Variants in NSMF observed in about 807,000 individuals in gnomAD.
The protein encoded by NSMF is nasal embryonic LHRH factor.
Under a neutral mutation model 71.0 loss-of-function variants are expected in NSMF, and 31 were observed. That is an observed-to-expected ratio of 0.44 (90% CI 0.33 to 0.59). NSMF has a LOEUF of 0.59. NSMF is among the 20% of genes least tolerant of loss of function. The pLI, the probability that NSMF is intolerant of heterozygous loss-of-function variation, is 0.04. For missense variants in NSMF, 673 were observed against 740.5 expected (o/e 0.91, Z 1.06); for synonymous variants, 345 against 287.1 (o/e 1.20, Z -2.04).
rs755177760 is a variant in NSMF at position 137,449,612 on chromosome 9, C to T, written c.1482G>A (p.Glu494=). Residue 494 remains glutamate (E), a synonymous_variant, in exon 15 of 16, where the codon GAG becomes GAA. Coordinates refer to ENST00000371475, the MANE Select transcript of NSMF (RefSeq NM_001130969.3). The stretch of plus-strand genomic sequence containing the variant: ...TGGGTAACTCACCTTGGGCTGAGAG[C>T]TCCAGGGGTGACTCGAAGGTGACCC... ...PYRVTFESPL[E]LSAQGKQMIE... 45 of 1,612,430 alleles carry T rather than the reference C, an allele frequency of 2.8e-5. No homozygotes were observed. Among genetic ancestry groups the T allele is most frequent in the Non-Finnish European group, 3.6e-5 (42 of 1,179,774 alleles).
chr9:137,453,682 T>G lies in NSMF; in HGVS notation c.922+49A>C, dbSNP rs773846791. ...GGGGACCCCCAGCAGGGGTCTGGGG[T>G]CTAGGGGAGGCTCTGGGGAAGGTGG... On this transcript the variant is annotated intron_variant, in intron 8 of 15. Coordinates refer to ENST00000371475, the MANE Select transcript of NSMF (RefSeq NM_001130969.3). The surrounding 1 kb of genome is among the most constrained non-coding windows in gnomAD (Gnocchi z 4.5). 6 of 1,468,066 alleles carry G rather than the reference T, an allele frequency of 4.1e-6. No homozygotes were observed. Among genetic ancestry groups the G allele is most frequent in the Admixed American group, 1.9e-5 (1 of 52,042 alleles). 90.9% of individuals were successfully genotyped at this position (1,468,066 alleles called of 1,614,324 possible).
chr9:137,458,370 C>T (rs1588512440), intron 2 of NSMF, 118 bp downstream of exon 2: 1 of 923,176 alleles, frequency 1.1e-6, no homozygotes. Flanking sequence ...GCCAGGCCGG[C>T]AGGGCGCCGG....
At chr9:137,451,876 A>G (rs1371024918) in intron 12 of NSMF, among the ~76,000 whole-genome samples, 2 of 32,534 alleles carry the variant, frequency 6.1e-5, no homozygotes, top group Non-Finnish European at 1.1e-4. Context: ...CAATGTCTAC[A>G]CCTCTTCTCC....
At chr9:137,454,980 T>TGGAGTG in intron 6 of NSMF, 1 of 716,860 alleles carries the variant, frequency 1.4e-6, no homozygotes, top group Middle Eastern at 2.3e-4. Flanking sequence ...TCTGTGTGAT[T>TGGAGTG]GGAGTGGGGG....
chr9:137,455,411 A>C (rs535700958), intron 5 of NSMF, 104 bp from the exon 6 acceptor site: 251 of 1,353,426 alleles, frequency 1.9e-4, no homozygotes, highest in East Asian at 5.0e-4. Context: ...CGTCTGGGGC[A>C]CGGGGCCCGG....
chr9:137,452,966 C>CT, intron 9 of NSMF, 90 bp downstream of exon 9: 1 of 1,595,918 alleles, frequency 6.3e-7, no homozygotes, highest in Non-Finnish European at 8.5e-7. Flanking sequence ...CTGGAGAAGG[C>CT]TGCGTGGTCC....
Position 137,455,323 on chromosome 9 carries a change from G to C in NSMF, c.711-16C>G, listed in dbSNP as rs746064159. On this transcript the variant is annotated splice_polypyrimidine_tract_variant and intron_variant, in intron 5 of 15. Transcript: ENST00000371475. ...CCTGAACACCCTGGGAAACCACCGC[G>C]AGTCAGCACTGCCCTTGGCCGGAGG... 26 of 1,612,234 alleles carry C rather than the reference G, an allele frequency of 1.6e-5. No homozygotes were observed. Among genetic ancestry groups the C allele is most frequent in the Non-Finnish European group, 2.1e-5 (25 of 1,179,618 alleles).
Position 137,452,998 on chromosome 9 carries a change from G to A in NSMF, c.1047+58C>T, listed in dbSNP as rs114999343. ...GTCCCAGGCAGAGCTGGCTGGACTC[G>A]GGTTGGGGCGGAGTCCTGCTCGGGG... On this transcript the variant is annotated intron_variant, in intron 9 of 15. Transcript: ENST00000371475. The A allele has an allele frequency of 9.4e-4, 1,506 of 1,607,712 alleles. 24 individuals carry two copies. The African/African-American group carries it at 0.018, about 19-fold the overall frequency.
In NSMF at chr9:137,458,547, G is replaced by A. The variant is rs533363402; in HGVS notation, c.74C>T (p.Ala25Val). Residue 25 changes from alanine to valine, a missense_variant and splice_region_variant, in exon 2 of 16, where the codon GCA becomes GTA. By Grantham distance (64) the Ala-to-Val change is moderately conservative (BLOSUM62 0). This residue lies in a region of NSMF where 471 missense variants were observed against 459.6 expected (regional missense o/e 1.02). Transcript: ENST00000371475. ...AMSSVAAKVR[A>V]ARAFGEYLSQ... Reference sequence around the variant, plus strand: ...CAGGTACTCTCCAAACGCTCGGGCTGCTCTGAGGGTGGACAGAGGGCACGG... The same window carrying A: ...CAGGTACTCTCCAAACGCTCGGGCTACTCTGAGGGTGGACAGAGGGCACGG... 9 of 1,595,180 alleles carry A rather than the reference G, an allele frequency of 5.6e-6. 1 individual carries two copies. In the South Asian group the frequency reaches 1.0e-4, roughly 18 times the overall value.
chr9:137,450,059 G>A lies in NSMF; in HGVS notation c.1317-34C>T, dbSNP rs770896807. 3.1e-6 allele frequency: 5 copies of A among 1,600,090 alleles called. No individual in the cohort carries two copies. In the Admixed American group the frequency reaches 5.0e-5, roughly 16 times the overall value. ...GAGGGGTGGGTCACCCAGTGGCAGG[G>A]GACAGGCACCCCACTCCACAGAGCG... On this transcript the variant is annotated intron_variant, in intron 13 of 15. Coordinates refer to ENST00000371475, the MANE Select transcript of NSMF (RefSeq NM_001130969.3).
In NSMF at chr9:137,448,685, C is replaced by T. The variant is rs746329930; in HGVS notation, c.*709G>A. 20 of 153,710 alleles carry T rather than the reference C, an allele frequency of 1.3e-4. No individual in the cohort carries two copies. The highest frequency in any genetic ancestry group is 1.9e-4 in the Non-Finnish European group (13 of 69,086). 9.5% of individuals were successfully genotyped at this position (153,710 alleles called of 1,614,324 possible). A position where few individuals can be genotyped will look rare whatever the true frequency, so the allele number is the denominator to read the frequency against. On this transcript the variant is annotated 3_prime_UTR_variant, in exon 16 of 16. Transcript: ENST00000371475. The surrounding 1 kb of genome is among the most constrained non-coding windows in gnomAD (Gnocchi z 5.3). ...CCAGAGCCTCCTCTGAAGGAGGGGA[C>T]GCTGCGCCCTTCCTTCCTGCTGCCC...
At position 137,457,455 on chromosome 9, in the gene NSMF, C is replaced by T. The variant is rs751687962; in HGVS notation, c.580G>A (p.Gly194Ser). Residue 194 changes from glycine (G) to serine (S), a missense_variant, in exon 3 of 16, where the codon GGT (glycine) becomes AGT (serine). This residue lies in a region of NSMF where 471 missense variants were observed against 459.6 expected (regional missense o/e 1.02). Transcript: ENST00000371475. ...ATCCTCTCCAGCTTCTTGCGGCGAC[C>T]GGAGGTCTCAGGCAGAGGTGGCTGG... ...LDQPPLPETS[G>S]RRKKLERMYS... 2.0e-5 allele frequency: 33 copies of T among 1,612,740 alleles called. No individual in the cohort carries two copies. The highest frequency in any genetic ancestry group is 6.7e-5 in the East Asian group (3 of 44,890).
Position 137,457,662 on chromosome 9 carries a change from TCAC to T in NSMF, c.370_372del (p.Val124del). 3.2e-6 allele frequency: 5 copies of T among 1,550,090 alleles called. No homozygotes were observed. Among genetic ancestry groups the T allele is most frequent in the Non-Finnish European group, 4.4e-6 (5 of 1,146,752 alleles). On this transcript the variant is annotated inframe_deletion, in exon 3 of 16. Transcript: ENST00000371475. ...TGAGGGTGCCGCTGCCGCCGCCCCT[TCAC>T]CACCGCCAGCTCAATGGCCTCCGCC...
rs1273932007 is a variant in NSMF, at chr9:137,459,241, C to CTCGGGG, written c.-145_-140dup. ...GCTCGGGCTCCGGCTCGGGCTTGGG[C>CTCGGGG]TCGGGGTCGGGCTCGGGGTCGGGCC... is the stretch of plus-strand genomic sequence containing the variant. On this transcript the variant is annotated 5_prime_UTR_variant, in exon 1 of 16. Coordinates refer to ENST00000371475, the MANE Select transcript of NSMF (RefSeq NM_001130969.3). 1 of 546,928 alleles carries CTCGGGG rather than the reference C, an allele frequency of 1.8e-6. No individual in the cohort carries two copies. The highest frequency in any genetic ancestry group is 1.1e-4 in the East Asian group (1 of 8,792). The allele number at this position is 546,928 out of a possible 1,614,324, so 33.9% of individuals were successfully genotyped here. A position where few individuals can be genotyped will look rare whatever the true frequency, so the allele number is the denominator to read the frequency against.
intron 6 of NSMF, chr9:137,455,015 G>A: frequency 1.4e-6 from 1 of 727,704 alleles, no homozygotes; most frequent in South Asian, 1.5e-5. Context: ...GCTGGCCCCA[G>A]CCCAGACAGA....
In NSMF at chr9:137,449,635, C is replaced by A; in HGVS notation, c.1459G>T (p.Val487Phe). ...AGCTCCAGGGGTGACTCGAAGGTGA[C>A]CCTATAAGGAGTCATGAGGGTCCTG... Reference protein sequence around the residue: ...NLRTLMTPYRVTFESPLELSA... With the variant: ...NLRTLMTPYRFTFESPLELSA... Residue 487 changes from valine (V) to phenylalanine (F), a missense_variant, in exon 15 of 16, where the codon GTC (valine) becomes TTC (phenylalanine). Val to Phe is a conservative substitution (Grantham distance 50, BLOSUM62 -1). Around this residue, in one of 2 missense-constraint regions of NSMF, gnomAD observed 202 missense variants for 280.8 expected, o/e 0.72. Coordinates refer to ENST00000371475, the MANE Select transcript of NSMF (RefSeq NM_001130969.3). The A allele has an allele frequency of 6.2e-7, 1 of 1,612,668 alleles. No homozygotes were observed. The highest frequency in any genetic ancestry group is 8.5e-7 in the Non-Finnish European group (1 of 1,179,796).
Position 137,449,197 on chromosome 9 carries a change from G to C in NSMF, c.*197C>G. On this transcript the variant is annotated 3_prime_UTR_variant, in exon 16 of 16. Transcript: ENST00000371475. ...CAGGGCGGGATCCTCCCGGCCCCCA[G>C]GGACTGCAGCCTCTGCGGCCACGGG... 1.6e-6 allele frequency: 1 copy of C among 614,094 alleles called. No individual in the cohort carries two copies. Among genetic ancestry groups the C allele is most frequent in the Non-Finnish European group, 2.9e-6 (1 of 341,896 alleles). The allele number at this position is 614,094 out of a possible 1,614,324, so 38.0% of individuals were successfully genotyped here.
chr9:137,455,518 G>A lies in NSMF; in HGVS notation c.710+111C>T, dbSNP rs1374957562. 9.1e-6 allele frequency: 12 copies of A among 1,317,336 alleles called. No individual in the cohort carries two copies. The African/African-American group carries it at 1.0e-4, about 11-fold the overall frequency. The allele number at this position is 1,317,336 out of a possible 1,614,324, so 81.6% of individuals were successfully genotyped here. ...GCTGGGAGCCAGGCCCGCAGAGAGCGGCACTCCCTCAAGACCCAGGTCCCT... is the reference window on the plus strand; with the variant it reads ...GCTGGGAGCCAGGCCCGCAGAGAGCAGCACTCCCTCAAGACCCAGGTCCCT... On this transcript the variant is annotated intron_variant, in intron 5 of 15. Transcript: ENST00000371475.
intron 6 of NSMF, 119 bp from the exon 7 acceptor site, chr9:137,454,562 T>C (rs2131994432): frequency 6.5e-7 from 1 of 1,548,256 alleles, no homozygotes; most frequent in Non-Finnish European, 8.7e-7. Flanking sequence ...AAGCCAGTGC[T>C]CTCCCTGGCT....
Sources: gnomAD v4.1 joint callset for allele counts (sites outside exome capture counted in the v4.1 genomes callset) on GRCh38, gnomAD v4.1.1 for gene constraint, gnomAD v4.1.1 regional missense constraint, Gnocchi (gnomAD v3.1) non-coding constraint, MANE v1.5 for transcripts, NCBI Gene and HGNC (gene_info 2026-07-23, HGNC 2026-07-21) for gene names.